Variants in ADGRL4 observed in about 807,000 individuals in gnomAD.
ADGRL4 encodes EGF, latrophilin and seven transmembrane domain containing 1.
ADGRL4 carries 90 observed loss-of-function variants against 74.8 expected under a neutral mutation model. That is an observed-to-expected ratio of 1.20 (90% CI 1.02 to 1.43). The LOEUF (loss-of-function observed/expected upper bound fraction) is 1.43. Among genes scored for constraint, ADGRL4 ranks in the 40% most tolerant of loss-of-function variants. ADGRL4 has a pLI of 0.00. For synonymous variants in ADGRL4, 311 were observed against 279.2 expected (o/e 1.11, Z -1.14); for missense variants, 881 against 814.3 (o/e 1.08, Z -1.00).
chr1:78,926,869 C>A lies in ADGRL4; in HGVS notation c.1083+17G>T, dbSNP rs769307221. 2 of 1,580,262 alleles carry A rather than the reference C, an allele frequency of 1.3e-6. No homozygotes were observed. The highest frequency in any genetic ancestry group is 1.7e-6 in the Non-Finnish European group (2 of 1,151,048). On this transcript the variant is annotated intron_variant, in intron 8 of 14. Coordinates refer to ENST00000370742, the MANE Select transcript of ADGRL4 (RefSeq NM_022159.4). ...GTATCACAATCATAGCCAATAACTA[C>A]CAGAAAAACAGCTTACCTTTCGATG...
intron 10 of ADGRL4, among the ~76,000 whole-genome samples, chr1:78,918,963 C>T (rs1648940544): frequency 6.6e-6 from 1 of 151,824 alleles, no homozygotes; most frequent in Admixed American, 6.6e-5. Context: ...AAACACTACA[C>T]TGAGTAATTT....
intron 2 of ADGRL4, among the ~76,000 whole-genome samples, chr1:78,958,985 T>G (rs1014050796): frequency 1.3e-5 from 2 of 152,200 alleles, no homozygotes; most frequent in African/African-American, 4.8e-5. Flanking sequence ...CGTTTATGAC[T>G]TGCTGAAGGT....
chr1:78,939,240 C>A lies in ADGRL4; in HGVS notation c.344G>T (p.Cys115Phe). ...AGCTATACAGACATTATCTAAATGG[C>A]AGTTTGCATTCACATTTTCTGTAAA... is the stretch of plus-strand genomic sequence containing the variant. The part of the protein sequence containing the change: ...TVCIENVNAN[C>F]HLDNVCIAAN... Residue 115 changes from cysteine to phenylalanine, a missense_variant, in exon 4 of 15, where the codon TGC (cysteine) becomes TTC (phenylalanine). Cys to Phe is a radical substitution (Grantham distance 205, BLOSUM62 -2). Transcript: ENST00000370742. The A allele has an allele frequency of 6.4e-7, 1 of 1,562,548 alleles. No homozygotes were observed. The highest frequency in any genetic ancestry group is 8.6e-7 in the Non-Finnish European group (1 of 1,156,486).
Position 78,917,981 on chromosome 1 carries a change from C to T in ADGRL4, c.1531G>A (p.Glu511Lys), listed in dbSNP as rs750427722. 5 of 1,611,192 alleles carry T rather than the reference C, an allele frequency of 3.1e-6. No homozygotes were observed. Among genetic ancestry groups the T allele is most frequent in the Non-Finnish European group, 4.2e-6 (5 of 1,178,750 alleles). ...ACAATGAGATAGAGATGTATGCCTT[C>T]AATGCACATCCATGCAAAAGCAGCT... is the stretch of plus-strand genomic sequence containing the variant. The part of the protein sequence containing the change: ...FLAAFAWMCI[E>K]GIHLYLIVVG... Residue 511 changes from glutamate (E) to lysine (K), a missense_variant, in exon 11 of 15, where the codon GAA (glutamate) becomes AAA (lysine). Transcript: ENST00000370742.
At chr1:78,908,905 A>G (rs1359691851) in intron 12 of ADGRL4, among the ~76,000 whole-genome samples, 1 of 151,942 alleles carries the variant, frequency 6.6e-6, no homozygotes, top group African/African-American at 2.4e-5. Context: ...CAGTAAGAAT[A>G]TATCTCTCAT....
intron 12 of ADGRL4, among the ~76,000 whole-genome samples, chr1:78,910,385 T>C (rs1376347820): frequency 6.6e-6 from 1 of 151,780 alleles, no homozygotes; most frequent in Non-Finnish European, 1.5e-5. Context: ...TCTGGTCAGA[T>C]TTGAAAAGAA....
intron 2 of ADGRL4, among the ~76,000 whole-genome samples, chr1:78,983,456 G>GC (rs1650435305): frequency 6.8e-6 from 1 of 147,050 alleles, no homozygotes; most frequent in Non-Finnish European, 1.5e-5. Context: ...TCTAGAATTA[G>GC]AAAAAAAAAA....
At chr1:78,922,751 A>T (rs566413958) in intron 8 of ADGRL4, among the ~76,000 whole-genome samples, 1 of 152,112 alleles carries the variant, frequency 6.6e-6, no homozygotes, top group Non-Finnish European at 1.5e-5. Context: ...ATGTGATTTT[A>T]AGGTGTACTT....
At chr1:78,974,710 T>A (rs1650243063) in intron 2 of ADGRL4, among the ~76,000 whole-genome samples, 1 of 152,290 alleles carries the variant, frequency 6.6e-6, no homozygotes, top group African/African-American at 2.4e-5. Context: ...AGGCTGCAAG[T>A]GTTCCTTAGC....
intron 2 of ADGRL4, among the ~76,000 whole-genome samples, chr1:78,950,973 C>G (rs1649710740): frequency 6.6e-6 from 1 of 152,090 alleles, no homozygotes; most frequent in South Asian, 2.1e-4. Flanking sequence ...ATCAATAGTT[C>G]TATAGTCAAC....
intron 2 of ADGRL4, among the ~76,000 whole-genome samples, chr1:78,953,773 G>C (rs1285452175): frequency 6.6e-6 from 1 of 152,198 alleles, no homozygotes; most frequent in Non-Finnish European, 1.5e-5. Flanking sequence ...TCAAATAGAT[G>C]ATGACTGTGT....
In ADGRL4 at chr1:78,937,798, G is replaced by T. The variant is rs76545911; in HGVS notation, c.760+9C>A. On this transcript the variant is annotated intron_variant, in intron 6 of 14. Coordinates refer to ENST00000370742, the MANE Select transcript of ADGRL4 (RefSeq NM_022159.4). ...CACAATTACTTTTAAATGGACCCTT[G>T]TTTCTTACCTATATCCGTTGAATTT... is the stretch of plus-strand genomic sequence containing the variant. 316 of 1,596,178 alleles carry T rather than the reference G, an allele frequency of 2.0e-4. No individual in the cohort carries two copies. The African/African-American group carries it at 3.3e-3, about 17-fold the overall frequency.
chr1:78,962,552 TC>T (rs1266220932), intron 2 of ADGRL4, among the ~76,000 whole-genome samples: 6 of 152,042 alleles, frequency 3.9e-5, no homozygotes, highest in African/African-American at 1.2e-4. Flanking sequence ...CTCCCCTGTC[TC>T]CCCCATCCAA....
intron 2 of ADGRL4, among the ~76,000 whole-genome samples, chr1:78,989,019 C>A (rs959749540): frequency 6.6e-6 from 1 of 151,574 alleles, no homozygotes; most frequent in Non-Finnish European, 1.5e-5. Context: ...TCATTTATTT[C>A]GTATATTTTA....
intron 2 of ADGRL4, among the ~76,000 whole-genome samples, chr1:78,996,614 T>C (rs1209250721): frequency 2.6e-5 from 4 of 152,186 alleles, no homozygotes; most frequent in Non-Finnish European, 5.9e-5. Flanking sequence ...AAATTTTGCC[T>C]GAATCCTTCT....
At chr1:78,989,898 T>C (rs904165734) in intron 2 of ADGRL4, among the ~76,000 whole-genome samples, 2 of 151,922 alleles carry the variant, frequency 1.3e-5, no homozygotes, top group African/African-American at 4.8e-5. Flanking sequence ...AATCCACAGA[T>C]GTAGAAACTG....
chr1:78,918,386 G>A (rs568319802), intron 10 of ADGRL4, among the ~76,000 whole-genome samples: 64 of 151,948 alleles, frequency 4.2e-4, no homozygotes, highest in African/African-American at 1.4e-3. Context: ...TAGGATTTAA[G>A]TTGATTTCTG....
At position 78,891,686 on chromosome 1, in the gene ADGRL4, A is replaced by T; in HGVS notation, c.1848T>A (p.Cys616Ter). 6.2e-7 allele frequency: 1 copy of T among 1,610,274 alleles called. No individual in the cohort carries two copies. The highest frequency in any genetic ancestry group is 1.1e-5 in the South Asian group (1 of 90,450). ...ACAGAAGAGCGAGGGCTCCTCTTGC[A>T]CAAGACCTATCACATATGAGAAATG... Reference protein sequence around the residue: ...EVSCFENIRSCARGALALLFL... With the variant: ...EVSCFENIRS Residue 616 changes from cysteine to a stop codon, truncating the protein, a stop_gained, in exon 14 of 15, where the codon TGT (cysteine) becomes TGA (stop). Coordinates refer to ENST00000370742, the MANE Select transcript of ADGRL4 (RefSeq NM_022159.4). LOFTEE classifies it high-confidence loss of function.
At chr1:78,955,651 T>A (rs192710373) in intron 2 of ADGRL4, among the ~76,000 whole-genome samples, 1 of 152,128 alleles carries the variant, frequency 6.6e-6, no homozygotes, top group South Asian at 2.1e-4. Flanking sequence ...AATGAGTAAG[T>A]TTTTTCATCA....
Sources: allele counts gnomAD v4.1 joint callset (sites outside exome capture counted in the v4.1 genomes callset), GRCh38; gene constraint gnomAD v4.1.1; transcripts MANE v1.5; gene names NCBI Gene and HGNC (gene_info 2026-07-23, HGNC 2026-07-21).